Variants in DMXL2 observed in about 807,000 individuals in gnomAD.
DMXL2 encodes the protein dmX-like protein 2.
A neutral mutation model predicts 331.1 loss-of-function variants in DMXL2; 103 were observed. The ratio of observed to expected loss-of-function variants is 0.31; its 90% CI spans 0.27 to 0.37. The LOEUF (loss-of-function observed/expected upper bound fraction) is 0.37, where lower values mean the gene tolerates loss of function less well. Among genes scored for constraint, DMXL2 ranks in the 10% least tolerant of loss-of-function variants. The pLI is 1.00. For missense variants in DMXL2, 3,171 were observed against 3,642.9 expected (o/e 0.87, Z 3.33); for synonymous variants, 1,281 against 1,252.1 (o/e 1.02, Z -0.49).
At chr15:51,511,545 T>A (rs186031255) in intron 15 of DMXL2, among the ~76,000 whole-genome samples, 9 of 152,286 alleles carry the variant, frequency 5.9e-5, no homozygotes, top group Admixed American at 3.3e-4. Context: ...AAACAACAGA[T>A]GCTGGAGAGG....
intron 1 of DMXL2, among the ~76,000 whole-genome samples, chr15:51,615,300 G>A (rs1318162857): frequency 6.6e-6 from 1 of 152,196 alleles, no homozygotes; most frequent in Non-Finnish European, 1.5e-5. Context: ...TGAAGACAGT[G>A]TTTCAATAGA....
Position 51,481,311 on chromosome 15 carries a change from T to C in DMXL2, c.5795A>G (p.Asp1932Gly), listed in dbSNP as rs1490564640. Reference protein sequence around the residue: ...DQPDFISHRMDDVPSHSKALS... With the variant: ...DQPDFISHRMGDVPSHSKALS... ...AGCTTTTGAATGTGAAGGTACATCATCCATCCTGTGAGAAATGAAGTCAGG... is the reference window on the plus strand; with the variant it reads ...AGCTTTTGAATGTGAAGGTACATCACCCATCCTGTGAGAAATGAAGTCAGG... The change falls in exon 24 of 44, where the codon GAT becomes GGT. Residue 1932 changes from aspartate (D) to glycine (G), a missense_variant. Transcript: ENST00000560891. The C allele has an allele frequency of 6.2e-7, 1 of 1,614,154 alleles. No individual in the cohort carries two copies. The highest frequency in any genetic ancestry group is 8.5e-7 in the Non-Finnish European group (1 of 1,180,002).
chr15:51,621,276 A>C (rs2054609461), intron 1 of DMXL2, among the ~76,000 whole-genome samples: 1 of 152,244 alleles, frequency 6.6e-6, no homozygotes. Flanking sequence ...AATGTATCAC[A>C]AAACGTCAAA....
At chr15:51,534,835 T>C (rs769183649) in intron 13 of DMXL2, among the ~76,000 whole-genome samples, 3 of 152,168 alleles carry the variant, frequency 2.0e-5, no homozygotes, top group Non-Finnish European at 4.4e-5. Flanking sequence ...CCAAATATTG[T>C]CCTTAATAAA....
intron 28 of DMXL2, 87 bp from the exon 29 acceptor site, chr15:51,471,488 T>C: frequency 1.5e-6 from 2 of 1,302,054 alleles, no homozygotes; most frequent in Non-Finnish European, 2.1e-6. Context: ...ATCCTACTCT[T>C]GCCATGTTTT....
intron 3 of DMXL2, among the ~76,000 whole-genome samples, chr15:51,566,081 C>T (rs1207263471): frequency 6.6e-6 from 1 of 152,068 alleles, no homozygotes; most frequent in East Asian, 1.9e-4. Context: ...TGGGAGCTCA[C>T]ACCTGTAGAC....
intron 6 of DMXL2, among the ~76,000 whole-genome samples, chr15:51,554,167 G>T (rs1210338668): frequency 1.3e-5 from 2 of 152,188 alleles, no homozygotes; most frequent in East Asian, 3.8e-4. Flanking sequence ...ATTCCAGTAT[G>T]ACTCTCCAGC....
chr15:51,550,149 C>T (rs1208734098), intron 6 of DMXL2, among the ~76,000 whole-genome samples: 3 of 152,032 alleles, frequency 2.0e-5, no homozygotes, highest in Non-Finnish European at 4.4e-5. Context: ...TATGATACAC[C>T]ATATAAACAG....
chr15:51,500,313 T>C, intron 17 of DMXL2, 82 bp from the exon 18 acceptor site: 2 of 1,364,600 alleles, frequency 1.5e-6, no homozygotes, highest in Non-Finnish European at 9.8e-7. Flanking sequence ...TTCTGGAATG[T>C]GATCAATTTA....
At chr15:51,557,108 C>T (rs2049645089) in intron 6 of DMXL2, among the ~76,000 whole-genome samples, 1 of 151,774 alleles carries the variant, frequency 6.6e-6, no homozygotes, top group Admixed American at 6.6e-5. Flanking sequence ...CTACAGCTTT[C>T]ATTATTCATA....
Position 51,538,322 on chromosome 15 carries a change from T to C in DMXL2, c.1236A>G (p.Arg412=), listed in dbSNP as rs1427130516. 2 of 1,613,940 alleles carry C rather than the reference T, an allele frequency of 1.2e-6. No individual in the cohort carries two copies. Among genetic ancestry groups the C allele is most frequent in the Admixed American group, 1.7e-5 (1 of 60,006 alleles). The part of the protein sequence containing the change: ...SSTEVFMHQL[R]KLSDKQVDHE... ...GATCTACCTGCTTATCAGAAAGTTT[T>C]CGTAATTGATGCATAAATACTTCTG... Residue 412 remains arginine, a synonymous_variant, in exon 10 of 44, where the codon CGA becomes CGG. Coordinates refer to ENST00000560891, the MANE Select transcript of DMXL2 (RefSeq NM_001378457.1).
chr15:51,462,508 T>C (rs2040215295), intron 33 of DMXL2, among the ~76,000 whole-genome samples: 1 of 152,122 alleles, frequency 6.6e-6, no homozygotes, highest in African/African-American at 2.4e-5. Context: ...GCTAATCTTT[T>C]GTATTTTTAG....
chr15:51,473,028 G>A (rs954732986), intron 28 of DMXL2, among the ~76,000 whole-genome samples: 1 of 152,142 alleles, frequency 6.6e-6, no homozygotes, highest in Non-Finnish European at 1.5e-5. Context: ...TGGTCCCTGG[G>A]TAGTTCTTGG....
chr15:51,524,060 G>C (rs1318744948), intron 13 of DMXL2, among the ~76,000 whole-genome samples: 1 of 152,186 alleles, frequency 6.6e-6, no homozygotes, highest in Non-Finnish European at 1.5e-5. Flanking sequence ...AGTGGAACAT[G>C]TACTAAAATA....
intron 1 of DMXL2, among the ~76,000 whole-genome samples, chr15:51,605,095 T>C (rs754972186): frequency 2.0e-5 from 3 of 151,766 alleles, no homozygotes; most frequent in Non-Finnish European, 4.4e-5. Context: ...AAATGAATCA[T>C]AGGATCTAAA....
chr15:51,593,764 C>G (rs1567164122), intron 1 of DMXL2, among the ~76,000 whole-genome samples: 1 of 152,234 alleles, frequency 6.6e-6, no homozygotes, highest in African/African-American at 2.4e-5. Context: ...AAGAAACTCA[C>G]TCAAAACCGC....
At chr15:51,526,676 T>C (rs2047695161) in intron 13 of DMXL2, among the ~76,000 whole-genome samples, 1 of 152,184 alleles carries the variant, frequency 6.6e-6, no homozygotes, top group South Asian at 2.1e-4. Flanking sequence ...AAATTCAGAA[T>C]TCTATCAGAT....
intron 1 of DMXL2, among the ~76,000 whole-genome samples, chr15:51,621,112 C>T (rs2054599149): frequency 6.6e-6 from 1 of 152,156 alleles, no homozygotes; most frequent in Non-Finnish European, 1.5e-5. Flanking sequence ...CCAAGATTCT[C>T]CACACACTTG....
In DMXL2 at chr15:51,519,143, T is replaced by A. The variant is rs193144771; in HGVS notation, c.2437-1976A>T. On this transcript the variant is annotated intron_variant, in intron 13 of 43. Coordinates refer to ENST00000560891, the MANE Select transcript of DMXL2 (RefSeq NM_001378457.1). ...TGCACATATGTGTTTTGATGTATAT[T>A]TTTTTTTAATGGTTAACATTCTTCT... 4.4e-3 allele frequency among the ~76,000 whole-genome samples: 666 copies of A among 151,890 alleles called. 5 individuals carry two copies. The highest frequency in any genetic ancestry group is 0.015 in the African/African-American group (625 of 41,434).
Sources: gnomAD v4.1 joint callset for allele counts (sites outside exome capture counted in the v4.1 genomes callset) on GRCh38, gnomAD v4.1.1 for gene constraint, MANE v1.5 for transcripts, NCBI Gene and HGNC (gene_info 2026-07-23, HGNC 2026-07-21) for gene names.